The following PPFIA4 variants were observed in gnomAD, a reference collection of about 807,000 sequenced individuals.
PPFIA4 encodes PPFI scaffold protein A4.
Under a neutral mutation model 145.7 loss-of-function variants are expected in PPFIA4, and 98 were observed. That is an observed-to-expected ratio of 0.67 (90% CI 0.57 to 0.80). The LOEUF (loss-of-function observed/expected upper bound fraction) is 0.80, where lower values mean the gene tolerates loss of function less well. Among genes scored for constraint, PPFIA4 ranks in the 30% least tolerant of loss-of-function variants. The pLI, the probability that PPFIA4 is intolerant of heterozygous loss-of-function variation, is 0.00. For synonymous variants in PPFIA4, 628 were observed against 649.6 expected (o/e 0.97, Z 0.51); for missense variants, 1,457 against 1,632.7 (o/e 0.89, Z 1.85).
chr1:203,044,213 T>G (rs1659902718), intron 4 of PPFIA4, 118 bp downstream of exon 4: 4 of 1,258,774 alleles, frequency 3.2e-6, no homozygotes, highest in Non-Finnish European at 1.1e-6. Flanking sequence ...CTCCAAACAT[T>G]GTCTTAACTT....
intron 19 of PPFIA4, among the ~76,000 whole-genome samples, chr1:203,057,859 C>T (rs763313938): frequency 1.3e-5 from 2 of 152,082 alleles, no homozygotes; most frequent in Non-Finnish European, 1.5e-5. Flanking sequence ...AGGAATTAGC[C>T]GAGCCAGGGA....
chr1:203,032,041 C>CTTGTGTGTGTGT (rs1553253550), intron 1 of PPFIA4, among the ~76,000 whole-genome samples: 3 of 146,350 alleles, frequency 2.0e-5, no homozygotes, highest in Non-Finnish European at 4.5e-5. Flanking sequence ...TCTGAGAGAA[C>CTTGTGTGTGTGT]GTGTGTGTGT....
rs775337054 is a variant in PPFIA4 at position 203,059,225 on chromosome 1, G to A, written c.2455G>A (p.Ala819Thr). 6 of 1,557,320 alleles carry A rather than the reference G, an allele frequency of 3.9e-6. No homozygotes were observed. The change falls in exon 20 of 30, where the codon GCC becomes ACC. Residue 819 changes from alanine (A) to threonine (T), a missense_variant. By Grantham distance (58) the Ala-to-Thr change is moderately conservative. Coordinates refer to ENST00000295706, the MANE Select transcript of PPFIA4 (RefSeq NM_001304331.2). ...EFSMQEPMVP[A>T]KLGTQAEKDR... ...CAGTATGCAGGAGCCTATGGTGCCTGCCAAGCTGGGGACCCAGGCAGAGAA... is the reference window on the plus strand; with the variant it reads ...CAGTATGCAGGAGCCTATGGTGCCTACCAAGCTGGGGACCCAGGCAGAGAA...
At chr1:203,067,000 G>A (rs1198432601) in intron 25 of PPFIA4, among the ~76,000 whole-genome samples, 2 of 152,202 alleles carry the variant, frequency 1.3e-5, no homozygotes, top group Admixed American at 6.5e-5. Context: ...GGGTGGTGAT[G>A]GTGATAATTG....
chr1:203,041,821 T>C (rs1287038341), intron 2 of PPFIA4, among the ~76,000 whole-genome samples: 1 of 152,150 alleles, frequency 6.6e-6, no homozygotes, highest in African/African-American at 2.4e-5. Context: ...TGTACATGAC[T>C]GTGTGTGCCT....
rs1005847939 is a variant in PPFIA4, at chr1:203,075,771, G to A, written c.3574+14G>A. ...TCATGCCTGAAGGTGAGTAACAGGC[G>A]GGCTGGGCATGGCCGAGGCCCAGCC... On this transcript the variant is annotated intron_variant, in intron 29 of 29. Transcript: ENST00000295706. This position sits in a 1 kb window ranked among gnomAD's most constrained non-coding sequence, Gnocchi z 4.1. 4 of 1,356,212 alleles carry A rather than the reference G, an allele frequency of 2.9e-6. No individual in the cohort carries two copies. The East Asian group carries it at 9.3e-5, about 31-fold the overall frequency. The allele number at this position is 1,356,212 out of a possible 1,614,324, so 84.0% of individuals were successfully genotyped here.
At chr1:203,030,873 G>A (rs1658775133) in intron 1 of PPFIA4, among the ~76,000 whole-genome samples, 1 of 152,150 alleles carries the variant, frequency 6.6e-6, no homozygotes, top group Non-Finnish European at 1.5e-5. Flanking sequence ...TCATGGCTGT[G>A]TACCCACACA....
Position 203,046,294 on chromosome 1 carries a change from A to T in PPFIA4, c.1052A>T (p.Glu351Val), listed in dbSNP as rs1443736675. Residue 351 changes from glutamate to valine, a missense_variant, in exon 9 of 30, where the codon GAG becomes GTG. By Grantham distance (121) the Glu-to-Val change is moderately radical. Coordinates refer to ENST00000295706, the MANE Select transcript of PPFIA4 (RefSeq NM_001304331.2). Reference protein sequence around the residue: ...RHLQELLEVAEQKLQQTMRKA... With the variant: ...RHLQELLEVAVQKLQQTMRKA... Reference sequence around the variant, plus strand: ...CTGCAGGAGCTGCTGGAGGTGGCAGAGCAGAAGCTGCAGCAGACGATGCGC... The same window carrying T: ...CTGCAGGAGCTGCTGGAGGTGGCAGTGCAGAAGCTGCAGCAGACGATGCGC... 1.9e-6 allele frequency: 3 copies of T among 1,596,822 alleles called. No individual in the cohort carries two copies. The highest frequency in any genetic ancestry group is 1.7e-5 in the Admixed American group (1 of 57,326).
rs1332596788 is a variant in PPFIA4 at position 203,048,895 on chromosome 1, G to A, written c.1357-23G>A. ...GAATGGGAGAGGAAGGCAGGGGCCT[G>A]GCTCACAGCTGCTCTCCCCCAGAAC... On this transcript the variant is annotated intron_variant, in intron 11 of 29. Transcript: ENST00000295706. The surrounding 1 kb of genome is among the most constrained non-coding windows in gnomAD (Gnocchi z 5.8). 2 of 1,547,732 alleles carry A rather than the reference G, an allele frequency of 1.3e-6. No individual in the cohort carries two copies. Among genetic ancestry groups the A allele is most frequent in the Non-Finnish European group, 1.7e-6 (2 of 1,146,398 alleles).
Position 203,044,038 on chromosome 1 carries a change from G to A in PPFIA4, c.444G>A (p.Val148=), listed in dbSNP as rs1359435178. The change falls in exon 4 of 30, where the codon GTG becomes GTA. Residue 148 remains valine, a synonymous_variant. Transcript: ENST00000295706. ...CACCTTCGGGGGTCTCCAGTGAGGT[G>A]GAGGTGCTGAAGGCCCTCAAGTCAC... The part of the protein sequence containing the change: ...AQSPSGVSSE[V]EVLKALKSLF... 1 of 1,612,234 alleles carries A rather than the reference G, an allele frequency of 6.2e-7. No homozygotes were observed. The highest frequency in any genetic ancestry group is 8.5e-7 in the Non-Finnish European group (1 of 1,179,610).
intron 26 of PPFIA4, 29 bp downstream of exon 26, chr1:203,067,821 G>C: frequency 6.2e-7 from 1 of 1,604,526 alleles, no homozygotes; most frequent in Admixed American, 1.7e-5. Context: ...GAGAGGGTTC[G>C]GGAGCAGCCT....
chr1:203,073,649 T>C (rs1396930859), intron 28 of PPFIA4, among the ~76,000 whole-genome samples: 1 of 152,128 alleles, frequency 6.6e-6, no homozygotes, highest in East Asian at 1.9e-4. Flanking sequence ...TTCAAGGCTC[T>C]TAAGGGCGGT....
intron 13 of PPFIA4, 146 bp downstream of exon 13, chr1:203,049,913 CAG>C (rs1660377396): frequency 1.5e-6 from 1 of 650,648 alleles, no homozygotes; most frequent in Non-Finnish European, 2.4e-6. Flanking sequence ...ATAACTTGGT[CAG>C]AGTCACCCAG....
chr1:203,073,939 T>C (rs1662344355), intron 28 of PPFIA4, among the ~76,000 whole-genome samples: 1 of 152,188 alleles, frequency 6.6e-6, no homozygotes, highest in South Asian at 2.1e-4. Flanking sequence ...CTGCCACCTA[T>C]TCATTTAATG....
In PPFIA4 at chr1:203,076,792, A is replaced by T; in HGVS notation, c.*402A>T. On this transcript the variant is annotated 3_prime_UTR_variant, in exon 30 of 30. Coordinates refer to ENST00000295706, the MANE Select transcript of PPFIA4 (RefSeq NM_001304331.2). Reference sequence around the variant, plus strand: ...GGGATGGTCCTTCCAAGAAAGGGTCATTTCAGACGCAGCCCTGCTTGGGCT... The same window carrying T: ...GGGATGGTCCTTCCAAGAAAGGGTCTTTTCAGACGCAGCCCTGCTTGGGCT... 1 of 241,968 alleles carries T rather than the reference A, an allele frequency of 4.1e-6. No individual in the cohort carries two copies. Among genetic ancestry groups the T allele is most frequent in the Non-Finnish European group, 8.1e-6 (1 of 123,484 alleles). 15.0% of individuals were successfully genotyped at this position (241,968 alleles called of 1,614,324 possible).
At position 203,076,638 on chromosome 1, in the gene PPFIA4, C is replaced by T; in HGVS notation, c.*248C>T. The T allele has an allele frequency of 1.8e-6, 1 of 557,882 alleles. No homozygotes were observed. Among genetic ancestry groups the T allele is most frequent in the African/African-American group, 1.9e-5 (1 of 52,918 alleles). The allele number at this position is 557,882 out of a possible 1,614,324, so 34.6% of individuals were successfully genotyped here. ...GTATTGTGGAGGCACCCAGGTTGTCCATGCTTGGGATTCTGGGGGAAGGAG... is the reference window on the plus strand; with the variant it reads ...GTATTGTGGAGGCACCCAGGTTGTCTATGCTTGGGATTCTGGGGGAAGGAG... On this transcript the variant is annotated 3_prime_UTR_variant, in exon 30 of 30. Transcript: ENST00000295706.
At position 203,048,384 on chromosome 1, in the gene PPFIA4, G is replaced by A; in HGVS notation, c.1224+74G>A. 2 of 1,547,172 alleles carry A rather than the reference G, an allele frequency of 1.3e-6. No individual in the cohort carries two copies. The highest frequency in any genetic ancestry group is 1.8e-6 in the Non-Finnish European group (2 of 1,135,974). On this transcript the variant is annotated intron_variant, in intron 10 of 29. Transcript: ENST00000295706. The surrounding 1 kb of genome is among the most constrained non-coding windows in gnomAD (Gnocchi z 5.8). ...GGCTCCCAGGGCGGTCTGTGGAAGG[G>A]GCACGGAGGAAGGGCCTGGCCAGGG...
chr1:203,039,765 C>A (rs931001692), intron 2 of PPFIA4, among the ~76,000 whole-genome samples: 1 of 152,262 alleles, frequency 6.6e-6, no homozygotes, highest in African/African-American at 2.4e-5. Flanking sequence ...CCTGTAGTCC[C>A]GTGTACTGTG....
intron 1 of PPFIA4, chr1:203,035,380 G>A: frequency 2.2e-6 from 1 of 450,918 alleles, no homozygotes; most frequent in South Asian, 1.6e-5. Context: ...AGACCCAAAT[G>A]CCCATCCCTC....
Sources: allele counts gnomAD v4.1 joint callset (sites outside exome capture counted in the v4.1 genomes callset), GRCh38; gene constraint gnomAD v4.1.1; non-coding constraint Gnocchi (gnomAD v3.1); transcripts MANE v1.5; gene names NCBI Gene and HGNC (gene_info 2026-07-23, HGNC 2026-07-21).